HOOK3: variants seen among roughly 807,000 people sequenced by gnomAD.
The protein encoded by HOOK3 is hook microtubule tethering protein 3.
Under a neutral mutation model 116.3 loss-of-function variants are expected in HOOK3, and 24 were observed. The observed-to-expected ratio is 0.21, with a 90% confidence interval of 0.15 to 0.29. HOOK3 has a LOEUF of 0.29. Ranked by LOEUF, HOOK3 falls within the 10% of genes least tolerant of loss-of-function variation. HOOK3 has a pLI of 1.00. For synonymous variants in HOOK3, 275 were observed against 283.0 expected (o/e 0.97, Z 0.28); for missense variants, 632 against 830.2 (o/e 0.76, Z 2.93).
chr8:42,948,066 C>T (rs1808269009), intron 5 of HOOK3, among the ~76,000 whole-genome samples: 1 of 152,106 alleles, frequency 6.6e-6, no homozygotes, highest in South Asian at 2.1e-4. Context: ...AGAAGACACA[C>T]TAATAATAAT....
chr8:42,923,320 G>A (rs117719184), intron 2 of HOOK3, among the ~76,000 whole-genome samples: 7 of 152,258 alleles, frequency 4.6e-5, no homozygotes, highest in Non-Finnish European at 1.0e-4. Context: ...TCACCCCTAG[G>A]CATATACCCA....
intron 14 of HOOK3, among the ~76,000 whole-genome samples, chr8:42,984,283 A>T (rs1242476341): frequency 6.6e-6 from 1 of 151,508 alleles, no homozygotes; most frequent in Non-Finnish European, 1.5e-5. Context: ...TAGGAGAATC[A>T]CTTGAACCCA....
chr8:42,968,243 G>T (rs1808667594), intron 11 of HOOK3, 29 bp downstream of exon 11: 3 of 1,526,922 alleles, frequency 2.0e-6, no homozygotes, highest in Non-Finnish European at 2.7e-6. Flanking sequence ...CTTGATGATG[G>T]TTTCAGGCAA....
At chr8:42,962,412 T>G (rs2130417387) in intron 8 of HOOK3, among the ~76,000 whole-genome samples, 1 of 149,574 alleles carries the variant, frequency 6.7e-6, no homozygotes, top group Admixed American at 6.6e-5. Flanking sequence ...CGTGTGTTTT[T>G]TTTTTTTTTT....
intron 11 of HOOK3, among the ~76,000 whole-genome samples, chr8:42,972,961 A>G (rs1020462524): frequency 6.6e-6 from 1 of 152,198 alleles, no homozygotes; most frequent in Non-Finnish European, 1.5e-5. Context: ...TAGCTATGCA[A>G]TTAGAATCGC....
rs770369960 is a variant in HOOK3, at chr8:43,018,307, G to C, written c.2017-51G>C. ...GCATGATGAAATTTTCTTTTGTGAA[G>C]TATGTTCCACTATTTTTTCATTGAT... is the stretch of plus-strand genomic sequence containing the variant. On this transcript the variant is annotated intron_variant, in intron 21 of 21. Coordinates refer to ENST00000307602, the MANE Select transcript of HOOK3 (RefSeq NM_032410.4). 6.6e-6 allele frequency: 10 copies of C among 1,508,360 alleles called. No individual in the cohort carries two copies. The Admixed American group carries it at 1.6e-4, about 24-fold the overall frequency. 93.4% of individuals were successfully genotyped at this position (1,508,360 alleles called of 1,614,324 possible).
At chr8:42,981,053 A>AT (rs35139387) in intron 13 of HOOK3, among the ~76,000 whole-genome samples, 17,651 of 139,530 alleles carry the variant, frequency 0.13, 1,877 homozygotes, top group African/African-American at 0.26. Context: ...GTAAATAATA[A>AT]TTTTTTTTTT....
intron 4 of HOOK3, among the ~76,000 whole-genome samples, chr8:42,940,444 C>T (rs534253334): frequency 3.9e-5 from 6 of 152,352 alleles, no homozygotes; most frequent in South Asian, 2.1e-4. Context: ...ACAGTCCAGC[C>T]TCGGCTCGGC....
Position 43,018,644 on chromosome 8 carries a change from C to A in HOOK3, c.*146C>A. 1.3e-6 allele frequency: 1 copy of A among 773,182 alleles called. No individual in the cohort carries two copies. Among genetic ancestry groups the A allele is most frequent in the Non-Finnish European group, 1.9e-6 (1 of 529,816 alleles). The allele number at this position is 773,182 out of a possible 1,614,324, so 47.9% of individuals were successfully genotyped here. On this transcript the variant is annotated 3_prime_UTR_variant, in exon 22 of 22. Coordinates refer to ENST00000307602, the MANE Select transcript of HOOK3 (RefSeq NM_032410.4). ...GTTTCTCATTTTGAGGACTTTTTCT[C>A]TCTCCTGTATCTTTGTTTTAGTTTC...
chr8:42,938,414 G>A (rs1808019653), intron 4 of HOOK3, among the ~76,000 whole-genome samples: 3 of 152,084 alleles, frequency 2.0e-5, no homozygotes, highest in Non-Finnish European at 4.4e-5. Context: ...TTAATACTAT[G>A]TGTGAATTTG....
At position 42,966,721 on chromosome 8, in the gene HOOK3, C is replaced by A. The variant is rs905687222; in HGVS notation, c.920+108C>A. The A allele has an allele frequency of 1.3e-5, 15 of 1,178,738 alleles. No individual in the cohort carries two copies. The Admixed American group carries it at 2.5e-4, about 19-fold the overall frequency. 73.0% of individuals were successfully genotyped at this position (1,178,738 alleles called of 1,614,324 possible). ...AGAGCCAGGCTACCTGGGCTGGGAT[C>A]CCGGGTCTACTGCTTATGCAACCTC... On this transcript the variant is annotated intron_variant, in intron 10 of 21. Coordinates refer to ENST00000307602, the MANE Select transcript of HOOK3 (RefSeq NM_032410.4).
chr8:43,004,994 A>G (rs191933124), intron 17 of HOOK3, among the ~76,000 whole-genome samples: 12 of 152,048 alleles, frequency 7.9e-5, no homozygotes, highest in African/African-American at 2.9e-4. Flanking sequence ...ATGTTCACCA[A>G]TTGGAAAATG....
At chr8:42,925,881 G>T (rs1048723310) in intron 3 of HOOK3, among the ~76,000 whole-genome samples, 1 of 152,198 alleles carries the variant, frequency 6.6e-6, no homozygotes, top group African/African-American at 2.4e-5. Context: ...GCCATTTACT[G>T]TCTATGGGGA....
rs1441263471 is a variant in HOOK3 at position 43,023,707 on chromosome 8, C to A, written c.*5209C>A. On this transcript the variant is annotated 3_prime_UTR_variant, in exon 22 of 22. Transcript: ENST00000307602. Reference sequence around the variant, plus strand: ...AACTCCTGACCTCAGGTGATCCGTCCACCTTGGCCTCCCAAAGTGCTGGGA... The same window carrying A: ...AACTCCTGACCTCAGGTGATCCGTCAACCTTGGCCTCCCAAAGTGCTGGGA... The A allele has an allele frequency of 1.1e-5, 2 of 182,514 alleles. No individual in the cohort carries two copies. Among genetic ancestry groups the A allele is most frequent in the Non-Finnish European group, 2.3e-5 (2 of 85,754 alleles). 11.3% of individuals were successfully genotyped at this position (182,514 alleles called of 1,614,324 possible). A position where few individuals can be genotyped will look rare whatever the true frequency, so the allele number is the denominator to read the frequency against.
rs1809893441 is a variant in HOOK3 at position 43,024,353 on chromosome 8, C to T, written c.*5855C>T. The stretch of plus-strand genomic sequence containing the variant: ...TAATACCATACAGTAGGATGAAAGA[C>T]TATTCTGAGCAAAATCAAATGGGAT... On this transcript the variant is annotated 3_prime_UTR_variant, in exon 22 of 22. Transcript: ENST00000307602. The T allele has an allele frequency of 5.2e-6, 1 of 193,538 alleles. No individual in the cohort carries two copies. Among genetic ancestry groups the T allele is most frequent in the Non-Finnish European group, 1.1e-5 (1 of 92,682 alleles). 12.0% of individuals were successfully genotyped at this position (193,538 alleles called of 1,614,324 possible).
At chr8:42,934,016 G>A (rs1003238829) in intron 4 of HOOK3, among the ~76,000 whole-genome samples, 4 of 151,702 alleles carry the variant, frequency 2.6e-5, no homozygotes, top group Non-Finnish European at 5.9e-5. Flanking sequence ...ATGCCTACTA[G>A]CTTTAGTTTT....
chr8:42,952,247 C>T (rs988374722), intron 6 of HOOK3, among the ~76,000 whole-genome samples: 1 of 152,162 alleles, frequency 6.6e-6, no homozygotes, highest in Admixed American at 6.5e-5. Context: ...ATGATAACAG[C>T]TTTATTACAG....
At chr8:42,942,464 C>T (rs1242727992) in intron 4 of HOOK3, among the ~76,000 whole-genome samples, 1 of 152,166 alleles carries the variant, frequency 6.6e-6, no homozygotes, top group African/African-American at 2.4e-5. Flanking sequence ...TTGATCACAA[C>T]CTCTTTCCTC....
At chr8:42,962,211 T>C (rs1458628378) in intron 8 of HOOK3, among the ~76,000 whole-genome samples, 1 of 151,672 alleles carries the variant, frequency 6.6e-6, no homozygotes, top group East Asian at 1.9e-4. Context: ...GCCTTCCAAA[T>C]AGCTGGGGCC....
Sources: allele counts gnomAD v4.1 joint callset (sites outside exome capture counted in the v4.1 genomes callset), GRCh38; gene constraint gnomAD v4.1.1; transcripts MANE v1.5; gene names NCBI Gene and HGNC (gene_info 2026-07-23, HGNC 2026-07-21).